The following GPC5 variants were observed in gnomAD, a reference collection of about 807,000 sequenced individuals.
GPC5 encodes glypican 5.
Under a neutral mutation model 53.9 loss-of-function variants are expected in GPC5, and 47 were observed. The observed-to-expected ratio is 0.87, with a 90% CI of 0.69 to 1.11. GPC5 has a LOEUF of 1.11. Among genes scored for constraint, GPC5 ranks in the 50% most tolerant of loss-of-function variants. The probability of loss-of-function intolerance (pLI) is 0.00; values close to 1 mark genes in which losing one functional copy is unlikely to be tolerated. For synonymous variants in GPC5, 286 were observed against 263.3 expected, an observed-to-expected ratio of 1.09 and a Z score of -0.84; for missense variants, 748 against 713.1, an observed-to-expected ratio of 1.05 and a Z score of -0.56.
chr13:91,814,695 C>A (rs1050310758), intron 5 of GPC5, among the ~76,000 whole-genome samples: 1 of 152,100 alleles, frequency 6.6e-6, no homozygotes, highest in Non-Finnish European at 1.5e-5. Flanking sequence ...CACCCATCAC[C>A]ATGCCTGGCT....
intron 7 of GPC5, among the ~76,000 whole-genome samples, chr13:92,171,528 C>CCTT (rs2042070744): frequency 6.6e-6 from 1 of 152,134 alleles, no homozygotes. Context: ...ATCCATTTCC[C>CCTT]CTTCTCAACT....
At chr13:92,700,997 T>TAATA (rs1305638957) in intron 7 of GPC5, among the ~76,000 whole-genome samples, 1 of 152,100 alleles carries the variant, frequency 6.6e-6, no homozygotes, top group African/African-American at 2.4e-5. Context: ...TGATAGACTG[T>TAATA]AATATTCTTC....
At chr13:92,434,969 C>CAGTA (rs1433007026) in intron 7 of GPC5, among the ~76,000 whole-genome samples, 13 of 152,296 alleles carry the variant, frequency 8.5e-5, no homozygotes, top group Admixed American at 7.8e-4. Context: ...GGCTGGAGGG[C>CAGTA]AGTAGTGCCA....
intron 6 of GPC5, among the ~76,000 whole-genome samples, chr13:91,926,395 T>G (rs1231416509): frequency 1.3e-5 from 2 of 151,520 alleles, no homozygotes; most frequent in East Asian, 3.9e-4. Context: ...ATGCAAAGCT[T>G]TGGAGTATAT....
intron 6 of GPC5, among the ~76,000 whole-genome samples, chr13:91,984,918 A>G (rs544773155): frequency 1.3e-5 from 2 of 152,208 alleles, no homozygotes; most frequent in Non-Finnish European, 2.9e-5. Context: ...TAAATGTTCA[A>G]ATGTCCATCT....
At position 91,412,141 on chromosome 13, in the gene GPC5, G is replaced by T. The variant is rs573503657; in HGVS notation, c.163+12932G>T. On this transcript the variant is annotated intron_variant, in intron 1 of 7. Coordinates refer to ENST00000377067, the MANE Select transcript of GPC5 (RefSeq NM_004466.6). Reference sequence around the variant, plus strand: ...ATGTGATAGCTTAATCCCCACCTACGCTGTCAATTCAATCACCAAATTCTC... The same window carrying T: ...ATGTGATAGCTTAATCCCCACCTACTCTGTCAATTCAATCACCAAATTCTC... 5.9e-5 allele frequency among the ~76,000 whole-genome samples: 9 copies of T among 152,228 alleles called. No individual in the cohort carries two copies. The East Asian group carries it at 7.7e-4, about 13-fold the overall frequency.
At chr13:92,428,952 G>C (rs113267243) in intron 7 of GPC5, among the ~76,000 whole-genome samples, 3 of 152,036 alleles carry the variant, frequency 2.0e-5, no homozygotes, top group Admixed American at 2.0e-4. Context: ...TGTGACGAAA[G>C]AATAAATCAG....
At chr13:92,093,212 T>A (rs2041394856) in intron 6 of GPC5, among the ~76,000 whole-genome samples, 1 of 152,170 alleles carries the variant, frequency 6.6e-6, no homozygotes, top group African/African-American at 2.4e-5. Flanking sequence ...TAAAGGCCTT[T>A]TTCTTTGTTG....
intron 7 of GPC5, among the ~76,000 whole-genome samples, chr13:92,668,540 G>T (rs1342990232): frequency 6.6e-6 from 1 of 152,084 alleles, no homozygotes; most frequent in Non-Finnish European, 1.5e-5. Context: ...AAAATTGCCT[G>T]TGACTTATAT....
intron 5 of GPC5, among the ~76,000 whole-genome samples, chr13:91,775,477 T>G (rs527290965): frequency 1.3e-5 from 2 of 152,206 alleles, no homozygotes; most frequent in Non-Finnish European, 2.9e-5. Context: ...CAATGCAATT[T>G]TTTTGTGTAC....
At chr13:92,714,548 T>C (rs889049217) in intron 7 of GPC5, among the ~76,000 whole-genome samples, 1 of 152,230 alleles carries the variant, frequency 6.6e-6, no homozygotes, top group Non-Finnish European at 1.5e-5. Context: ...CTTTTCTACC[T>C]TCATTATCCA....
chr13:92,512,560 C>T (rs926033306), intron 7 of GPC5, among the ~76,000 whole-genome samples: 4 of 151,912 alleles, frequency 2.6e-5, no homozygotes, highest in Non-Finnish European at 5.9e-5. Flanking sequence ...ACATAATGAT[C>T]ATCTGAATTG....
At chr13:92,163,731 T>C (rs1304628585) in intron 7 of GPC5, among the ~76,000 whole-genome samples, 1 of 152,172 alleles carries the variant, frequency 6.6e-6, no homozygotes, top group Non-Finnish European at 1.5e-5. Context: ...ACAGTACAAA[T>C]TTCCTATTTC....
intron 7 of GPC5, chr13:92,240,842 T>C (rs2042606889): frequency 6.6e-6 from 1 of 151,958 alleles, no homozygotes; most frequent in Non-Finnish European, 1.5e-5. Context: ...AAAAGTGAAC[T>C]AGAGACAGAA....
At chr13:91,754,590 G>A (rs201471600) in intron 4 of GPC5, among the ~76,000 whole-genome samples, 3 of 152,000 alleles carry the variant, frequency 2.0e-5, no homozygotes, top group Admixed American at 6.6e-5. Flanking sequence ...CTCTGATTCC[G>A]AACAAGTGAT....
At chr13:91,844,552 T>C (rs534912018) in intron 5 of GPC5, among the ~76,000 whole-genome samples, 80 of 152,292 alleles carry the variant, frequency 5.3e-4, no homozygotes, top group Non-Finnish European at 1.0e-3. Flanking sequence ...GAACAAACTC[T>C]GCAGTGGCCA....
At chr13:92,465,631 C>T (rs1306115221) in intron 7 of GPC5, among the ~76,000 whole-genome samples, 1 of 152,028 alleles carries the variant, frequency 6.6e-6, no homozygotes, top group Non-Finnish European at 1.5e-5. Context: ...ATCATTTCCA[C>T]ATGGATTGAA....
At position 91,594,529 on chromosome 13, in the gene GPC5, G is replaced by A. The variant is rs189507338; in HGVS notation, c.326-98658G>A. 4.6e-5 allele frequency among the ~76,000 whole-genome samples: 7 copies of A among 152,316 alleles called. No homozygotes were observed. The East Asian group carries it at 1.4e-3, about 29-fold the overall frequency. On this transcript the variant is annotated intron_variant, in intron 2 of 7. Transcript: ENST00000377067. ...TTTGGTTGATAAGCTTGACTGTCAA[G>A]TTTACTTAGTAATTTAGTTTTAGAT... is the stretch of plus-strand genomic sequence containing the variant.
chr13:92,498,389 T>A lies in GPC5; in HGVS notation c.1561+353400T>A, dbSNP rs139049310. 4.0e-3 allele frequency among the ~76,000 whole-genome samples: 606 copies of A among 152,240 alleles called. 7 individuals are homozygous for A. The highest frequency in any genetic ancestry group is 0.014 in the African/African-American group (589 of 41,528). Reference sequence around the variant, plus strand: ...CATTTTTCCCTTTCCAGTCCAGTGTTCCTAGAGAAAGATCATATACCAGTT... The same window carrying A: ...CATTTTTCCCTTTCCAGTCCAGTGTACCTAGAGAAAGATCATATACCAGTT... On this transcript the variant is annotated intron_variant, in intron 7 of 7. Coordinates refer to ENST00000377067, the MANE Select transcript of GPC5 (RefSeq NM_004466.6).
Sources: gnomAD v4.1 joint callset for allele counts (sites outside exome capture counted in the v4.1 genomes callset) on GRCh38, gnomAD v4.1.1 for gene constraint, MANE v1.5 for transcripts, NCBI Gene and HGNC (gene_info 2026-07-23, HGNC 2026-07-21) for gene names.